The following SORBS2 variants were observed in gnomAD, a reference collection of about 807,000 sequenced individuals.
SORBS2 encodes sorbin and SH3 domain-containing protein 2.
In SORBS2, 46 loss-of-function variants were observed where a neutral mutation model predicts 97.7. The ratio of observed to expected loss-of-function variants is 0.47; its 90% CI spans 0.37 to 0.60. SORBS2 has a LOEUF of 0.60. Among genes scored for constraint, SORBS2 ranks in the 20% least tolerant of loss-of-function variants. The pLI is 0.00. For synonymous variants in SORBS2, 476 were observed against 473.4 expected (o/e 1.01, Z -0.07); for missense variants, 1,316 against 1,282.3 (o/e 1.03, Z -0.40).
At chr4:185,883,018 C>A (rs538094831) in intron 1 of SORBS2, among the ~76,000 whole-genome samples, 124 of 151,858 alleles carry the variant, frequency 8.2e-4, no homozygotes, top group African/African-American at 2.8e-3. Flanking sequence ...GAAGCAGTAT[C>A]TAAAGCACAA....
chr4:185,622,926 C>G, exon 7 of SORBS2: 2 of 1,607,696 alleles, frequency 1.2e-6, no homozygotes, highest in Non-Finnish European at 1.7e-6. Context: ...TGGAGTGCAC[C>G]GCCACGGTCT....
chr4:185,604,105 C>G (rs931465572), intron 12 of SORBS2, among the ~76,000 whole-genome samples: 1 of 152,194 alleles, frequency 6.6e-6, no homozygotes, highest in African/African-American at 2.4e-5. Flanking sequence ...ACAATCTCAT[C>G]ATTACTTCTT....
intron 2 of SORBS2, among the ~76,000 whole-genome samples, chr4:185,758,626 G>T (rs78020180): frequency 0.02 from 3,086 of 152,248 alleles, 48 homozygotes; most frequent in Non-Finnish European, 0.031. Context: ...CCTGGCCGTT[G>T]CAATAGCTTC....
intron 1 of SORBS2, among the ~76,000 whole-genome samples, chr4:185,900,596 A>G (rs1236527704): frequency 6.6e-6 from 1 of 152,214 alleles, no homozygotes; most frequent in Non-Finnish European, 1.5e-5. Flanking sequence ...TTATATAGAG[A>G]GAGAAAAAAA....
At chr4:185,835,561 G>A (rs1201297275) in intron 1 of SORBS2, among the ~76,000 whole-genome samples, 1 of 151,816 alleles carries the variant, frequency 6.6e-6, no homozygotes, top group Non-Finnish European at 1.5e-5. Flanking sequence ...AAAAATTCCA[G>A]TGACAATTCA....
chr4:185,625,932 T>A (rs533575889), intron 6 of SORBS2, among the ~76,000 whole-genome samples: 1 of 152,336 alleles, frequency 6.6e-6, no homozygotes, highest in East Asian at 1.9e-4. Flanking sequence ...GAAACTTACA[T>A]TAGAGCTCAA....
At chr4:185,724,825 T>C (rs2098544377) in intron 2 of SORBS2, among the ~76,000 whole-genome samples, 1 of 152,198 alleles carries the variant, frequency 6.6e-6, no homozygotes, top group African/African-American at 2.4e-5. Context: ...CTTTCAAGAT[T>C]TTCCTTTTCC....
chr4:185,912,452 G>GCA (rs1277022669), intron 1 of SORBS2, among the ~76,000 whole-genome samples: 46 of 151,968 alleles, frequency 3.0e-4, no homozygotes, highest in African/African-American at 1.1e-3. Flanking sequence ...GGCTGTGGTG[G>GCA]TGGGCACCTG....
At chr4:185,724,566 T>A (rs921702477) in intron 2 of SORBS2, among the ~76,000 whole-genome samples, 1 of 152,162 alleles carries the variant, frequency 6.6e-6, no homozygotes, top group African/African-American at 2.4e-5. Flanking sequence ...GCCTGAGGAC[T>A]CTTCCTAATA....
chr4:185,609,188 A>C (rs2096490470), intron 12 of SORBS2, among the ~76,000 whole-genome samples: 1 of 152,136 alleles, frequency 6.6e-6, no homozygotes, highest in Non-Finnish European at 1.5e-5. Context: ...CAATGATATA[A>C]ACCACTCAAG....
Position 185,694,706 on chromosome 4 carries a change from C to CTTTTTT in SORBS2, c.-197-15885_-197-15884insAAAAAA, listed in dbSNP as rs1200094039. On this transcript the variant is annotated intron_variant, in intron 2 of 20. Transcript: ENST00000284776. ...TTTCTTTTTCTTTTTCCTTTTCTTT[C>CTTTTTT]TTTTCTTTTCTTTTTTTTGAGACGG... Among the ~76,000 whole-genome samples, 99 of 124,218 alleles carry CTTTTTT rather than the reference C, an allele frequency of 8.0e-4. 10 individuals are homozygous for CTTTTTT. Among genetic ancestry groups the CTTTTTT allele is most frequent in the East Asian group, 1.3e-3 (5 of 3,772 alleles). 81.5% of individuals were successfully genotyped at this position (124,218 alleles called of 152,430 possible).
At chr4:185,619,989 G>T (rs907935223) in intron 8 of SORBS2, 74 bp downstream of exon 20, 5 of 890,988 alleles carry the variant, frequency 5.6e-6, no homozygotes, top group Non-Finnish European at 9.5e-6. Context: ...TACTGGTTTG[G>T]GATAATTTTT....
At chr4:185,791,225 T>C (rs1344879974) in intron 1 of SORBS2, among the ~76,000 whole-genome samples, 1 of 152,062 alleles carries the variant, frequency 6.6e-6, no homozygotes, top group Non-Finnish European at 1.5e-5. Flanking sequence ...ATTTACCACC[T>C]ACATAAGAAC....
rs113747901 is a variant in SORBS2, at chr4:185,851,529, A to G, written c.-337-76163T>C. On this transcript the variant is annotated intron_variant, in intron 1 of 20. Coordinates refer to the SORBS2 transcript ENST00000284776. The stretch of plus-strand genomic sequence containing the variant: ...CACATATATATATATTACATCGTGT[A>G]AAAGACTTGTGATGGTTAATACTGA... Among the ~76,000 whole-genome samples the G allele has an allele frequency of 8.5e-5, 13 of 152,244 alleles. 1 individual carries two copies. Among genetic ancestry groups the G allele is most frequent in the African/African-American group, 3.1e-4 (13 of 41,550 alleles).
In SORBS2 at chr4:185,706,826, T is replaced by C. The variant is rs574102462; in HGVS notation, c.-197-28004A>G. 2.6e-5 allele frequency among the ~76,000 whole-genome samples: 4 copies of C among 152,348 alleles called. No homozygotes were observed. The South Asian group carries it at 6.2e-4, about 24-fold the overall frequency. On this transcript the variant is annotated intron_variant, in intron 2 of 20. Transcript: ENST00000284776. ...CATTGCTAAGATTCATCTATATTGT[T>C]GGTTATCCCTGTAGTGTGTTCACTT...
At chr4:185,646,761 G>A (rs1486597415) in exon 4 of SORBS2, 1 of 1,610,186 alleles carries the variant, frequency 6.2e-7, no homozygotes, top group Non-Finnish European at 8.5e-7. Flanking sequence ...CCACTTTTCT[G>A]TCTGGAGGAT....
At chr4:185,638,932 G>T (rs1481325582) in intron 4 of SORBS2, 1 of 1,510,062 alleles carries the variant, frequency 6.6e-7, no homozygotes, top group Admixed American at 2.4e-5. Flanking sequence ...GCCACTCCGG[G>T]GCGGAGGGGA....
chr4:185,661,342 G>A (rs1051659651), upstream of SORBS2, among the ~76,000 whole-genome samples: 2 of 151,664 alleles, frequency 1.3e-5, no homozygotes, highest in African/African-American at 4.8e-5. Flanking sequence ...GACCATGTAA[G>A]AGCATTTCTA....
At chr4:185,673,286 T>A (rs1193426571) in intron 4 of SORBS2, among the ~76,000 whole-genome samples, 2 of 152,188 alleles carry the variant, frequency 1.3e-5, no homozygotes, top group South Asian at 2.1e-4. Flanking sequence ...CATTGCACAC[T>A]TACAAATTTG....
Sources: allele counts gnomAD v4.1 joint callset (sites outside exome capture counted in the v4.1 genomes callset), GRCh38; gene constraint gnomAD v4.1.1; transcripts MANE v1.5; gene names NCBI Gene and HGNC (gene_info 2026-07-23, HGNC 2026-07-21).